CPQ: variants seen among roughly 807,000 people sequenced by gnomAD.
CPQ encodes carboxypeptidase Q, also known as Ser-Met dipeptidase.
CPQ carries 37 observed loss-of-function variants against 45.7 expected under a neutral mutation model. The ratio of observed to expected loss-of-function variants is 0.81; its 90% CI spans 0.62 to 1.07. CPQ has a LOEUF of 1.07. CPQ is among the 50% of genes least tolerant of loss of function. The pLI, the probability that CPQ is intolerant of heterozygous loss-of-function variation, is 0.00. For synonymous variants in CPQ, 186 were observed against 205.8 expected, an observed-to-expected ratio of 0.90 and a Z score of 0.82; for missense variants, 537 against 572.9, an observed-to-expected ratio of 0.94 and a Z score of 0.64.
At chr8:96,744,308 T>C (rs1256986779) in intron 1 of CPQ, among the ~76,000 whole-genome samples, 1 of 152,254 alleles carries the variant, frequency 6.6e-6, no homozygotes, top group East Asian at 1.9e-4. Context: ...GCTTCCCGAG[T>C]GAGGCAATGC....
intron 1 of CPQ, among the ~76,000 whole-genome samples, chr8:96,704,624 G>T (rs557118798): frequency 6.6e-6 from 1 of 152,224 alleles, no homozygotes; most frequent in South Asian, 2.1e-4. Flanking sequence ...GAGTAGGAGA[G>T]TATATTAGGT....
intron 3 of CPQ, among the ~76,000 whole-genome samples, chr8:96,846,199 C>T (rs962959720): frequency 1.3e-5 from 2 of 152,146 alleles, no homozygotes; most frequent in Non-Finnish European, 2.9e-5. Context: ...CACATTCTTG[C>T]CAAAATTTAA....
chr8:97,132,000 A>T (rs1811967033), intron 7 of CPQ, among the ~76,000 whole-genome samples: 1 of 152,216 alleles, frequency 6.6e-6, no homozygotes, highest in African/African-American at 2.4e-5. Context: ...TTATTAGTAT[A>T]GTTTCATCAA....
At chr8:97,132,036 CCT>C (rs1811967471) in intron 7 of CPQ, among the ~76,000 whole-genome samples, 1 of 152,088 alleles carries the variant, frequency 6.6e-6, no homozygotes, top group South Asian at 2.1e-4. Context: ...TAAAATATCC[CCT>C]TTTTCTTGCC....
At chr8:96,977,750 A>G (rs1813813775) in intron 5 of CPQ, among the ~76,000 whole-genome samples, 1 of 152,208 alleles carries the variant, frequency 6.6e-6, no homozygotes, top group Non-Finnish European at 1.5e-5. Flanking sequence ...GTATGTTCTC[A>G]TCCACATGTG....
intron 5 of CPQ, among the ~76,000 whole-genome samples, chr8:96,983,402 T>G (rs1213595149): frequency 3.3e-5 from 5 of 152,238 alleles, no homozygotes; most frequent in Middle Eastern, 3.2e-3. Context: ...ATTACTGCGT[T>G]ACTGAGCTCC....
chr8:96,994,524 A>G (rs1267281240), intron 5 of CPQ, among the ~76,000 whole-genome samples: 1 of 152,136 alleles, frequency 6.6e-6, no homozygotes, highest in Non-Finnish European at 1.5e-5. Flanking sequence ...CCTTGCATGA[A>G]TGAGTCTAAT....
chr8:96,811,509 A>G (rs2130829567), intron 2 of CPQ, among the ~76,000 whole-genome samples: 1 of 152,324 alleles, frequency 6.6e-6, no homozygotes, highest in South Asian at 2.1e-4. Flanking sequence ...TAAACAAAAC[A>G]GGACTAAAAT....
At chr8:97,129,784 T>A (rs73695782) in intron 7 of CPQ, among the ~76,000 whole-genome samples, 3,019 of 152,252 alleles carry the variant, frequency 0.02, 88 homozygotes, top group African/African-American at 0.067. Flanking sequence ...CAACCTCATT[T>A]CCACAGATGT....
chr8:97,084,339 C>T (rs941639212), intron 7 of CPQ, among the ~76,000 whole-genome samples: 5 of 152,020 alleles, frequency 3.3e-5, no homozygotes, highest in South Asian at 2.1e-4. Context: ...TTATGTATCC[C>T]GTGGCAATGT....
At chr8:97,031,695 C>T (rs545202983) in intron 6 of CPQ, among the ~76,000 whole-genome samples, 44 of 152,206 alleles carry the variant, frequency 2.9e-4, no homozygotes, top group Non-Finnish European at 4.9e-4. Context: ...TACACACACT[C>T]AAAGGACATG....
intron 2 of CPQ, among the ~76,000 whole-genome samples, chr8:96,828,736 G>T (rs1002026857): frequency 6.6e-6 from 1 of 152,036 alleles, no homozygotes; most frequent in African/African-American, 2.4e-5. Context: ...AGTGATTAGA[G>T]AGAAAGCAAC....
chr8:97,047,686 T>C (rs187695382), intron 6 of CPQ, among the ~76,000 whole-genome samples: 4 of 152,252 alleles, frequency 2.6e-5, no homozygotes, highest in African/African-American at 9.6e-5. Flanking sequence ...CTGTGTAATT[T>C]TCCTTTAGTT....
chr8:96,746,510 T>A (rs1810184446), intron 1 of CPQ, among the ~76,000 whole-genome samples: 1 of 152,178 alleles, frequency 6.6e-6, no homozygotes, highest in Admixed American at 6.5e-5. Flanking sequence ...CTGGTCCCTC[T>A]GTAGACTCTG....
chr8:96,732,573 T>C (rs1038050769), intron 1 of CPQ, among the ~76,000 whole-genome samples: 1 of 152,148 alleles, frequency 6.6e-6, no homozygotes, highest in Non-Finnish European at 1.5e-5. Context: ...ATTTTTCTTT[T>C]TTTTTCTTTA....
At chr8:96,930,849 G>A (rs1182680491) in intron 4 of CPQ, among the ~76,000 whole-genome samples, 1 of 152,220 alleles carries the variant, frequency 6.6e-6, no homozygotes, top group African/African-American at 2.4e-5. Context: ...ACACTGCCAT[G>A]AGAAGGAAGA....
intron 7 of CPQ, among the ~76,000 whole-genome samples, chr8:97,067,051 C>T (rs1289525173): frequency 1.3e-5 from 2 of 150,802 alleles, no homozygotes; most frequent in Non-Finnish European, 2.9e-5. Context: ...CTCAGCCTCC[C>T]GAGTAGCTGG....
intron 6 of CPQ, among the ~76,000 whole-genome samples, chr8:97,059,426 G>A (rs1810509834): frequency 6.6e-6 from 1 of 152,112 alleles, no homozygotes; most frequent in African/African-American, 2.4e-5. Flanking sequence ...AGCCAGTTGA[G>A]CTATCAAATA....
chr8:96,708,431 GTGTGTGTA>G (rs1436227777), intron 1 of CPQ, among the ~76,000 whole-genome samples: 2 of 91,644 alleles, frequency 2.2e-5, no homozygotes, highest in Non-Finnish European at 5.1e-5. Flanking sequence ...GTGTGTGTGT[GTGTGTGTA>G]TATATATATA....
Sources: allele counts gnomAD v4.1 joint callset (sites outside exome capture counted in the v4.1 genomes callset), GRCh38; gene constraint gnomAD v4.1.1; transcripts MANE v1.5; gene names NCBI Gene and HGNC (gene_info 2026-07-23, HGNC 2026-07-21).